Variants in MET observed in about 807,000 individuals in gnomAD.
The protein encoded by MET is MET proto-oncogene, receptor tyrosine kinase.
In MET, 48 loss-of-function variants were observed where a neutral mutation model predicts 133.1. The ratio of observed to expected loss-of-function variants is 0.36; its 90% CI spans 0.29 to 0.46. The LOEUF is 0.46. Among genes scored for constraint, MET ranks in the 20% least tolerant of loss-of-function variants. MET has a pLI of 1.00. For synonymous variants in MET, 628 were observed against 616.5 expected (o/e 1.02, Z -0.28); for missense variants, 1,442 against 1,695.9 (o/e 0.85, Z 2.63).
At chr7:116,777,278 T>C in intron 15 of MET, 111 bp from the exon 16 acceptor site, 6 of 929,574 alleles carry the variant, frequency 6.5e-6, no homozygotes, top group Non-Finnish European at 1.1e-5. Context: ...ATGTACTCTT[T>C]TGCTGTATAG....
chr7:116,796,532 A>G lies in MET; in HGVS notation c.*408A>G. ...GCGGCAGCCCCAGAACAGGCCACTC[A>G]TTTAGAATTCTAGTGTTTCAAAACA... On this transcript the variant is annotated 3_prime_UTR_variant, in exon 21 of 21. Transcript: ENST00000397752. The G allele has an allele frequency of 3.0e-6, 1 of 331,004 alleles. No homozygotes were observed. Among genetic ancestry groups the G allele is most frequent in the Non-Finnish European group, 5.6e-6 (1 of 178,220 alleles). 20.5% of individuals were successfully genotyped at this position (331,004 alleles called of 1,614,324 possible). A position where few individuals can be genotyped will look rare whatever the true frequency, so the allele number is the denominator to read the frequency against.
chr7:116,744,764 G>C (rs558134898), intron 5 of MET, among the ~76,000 whole-genome samples: 1 of 152,160 alleles, frequency 6.6e-6, no homozygotes, highest in East Asian at 1.9e-4. Context: ...TGCAATGAAG[G>C]AAAAAATGTT....
chr7:116,681,107 T>C (rs1408874725), intron 1 of MET, among the ~76,000 whole-genome samples: 2 of 152,274 alleles, frequency 1.3e-5, no homozygotes, highest in East Asian at 1.9e-4. Flanking sequence ...TGGAGAAAGA[T>C]AGACTATCAT....
chr7:116,692,420 G>A (rs1796808205), intron 1 of MET, among the ~76,000 whole-genome samples: 1 of 152,184 alleles, frequency 6.6e-6, no homozygotes, highest in Non-Finnish European at 1.5e-5. Context: ...TTTTCCTGAG[G>A]AATCGGTGTT....
At chr7:116,693,730 C>T (rs1364167676) in intron 1 of MET, among the ~76,000 whole-genome samples, 2 of 152,184 alleles carry the variant, frequency 1.3e-5, no homozygotes, top group African/African-American at 4.8e-5. Context: ...TGAGATCTCA[C>T]TGACATTTGG....
chr7:116,721,779 A>G (rs1792493767), intron 2 of MET, among the ~76,000 whole-genome samples: 1 of 151,998 alleles, frequency 6.6e-6, no homozygotes, highest in African/African-American at 2.4e-5. Flanking sequence ...TTCAGTTTCC[A>G]TGTAGTTGAG....
chr7:116,756,179 C>T (rs1014451744), intron 6 of MET, among the ~76,000 whole-genome samples: 7 of 152,198 alleles, frequency 4.6e-5, no homozygotes, highest in Non-Finnish European at 7.3e-5. Flanking sequence ...TTCAGCTCAG[C>T]TCTGATCATC....
rs886061940 is a variant in MET, at chr7:116,672,435, T to C, written c.-157T>C. 1 of 394,586 alleles carries C rather than the reference T, an allele frequency of 2.5e-6. No homozygotes were observed. The highest frequency in any genetic ancestry group is 4.5e-6 in the Non-Finnish European group (1 of 223,568). 24.4% of individuals were successfully genotyped at this position (394,586 alleles called of 1,614,324 possible). A position where few individuals can be genotyped will look rare whatever the true frequency, so the allele number is the denominator to read the frequency against. On this transcript the variant is annotated 5_prime_UTR_variant, in exon 1 of 21. Transcript: ENST00000397752. ...CGCCGCCCGCGGCGCCCCGAGCGCT[T>C]TGTGAGCAGATGCGGAGCCGAGTGG...
Position 116,700,113 on chromosome 7 carries a change from C to CGG in MET, c.1032_1033dup (p.Val345GlyfsTer40), listed in dbSNP as rs1791514332. The CGG allele has an allele frequency of 6.2e-7, 1 of 1,608,500 alleles. No individual in the cohort carries two copies. The highest frequency in any genetic ancestry group is 8.5e-7 in the Non-Finnish European group (1 of 1,177,750). ...CCAGCCTGAATGATGACATTCTTTT[C>CGG]GGGGTGTTCGCACAAAGCAAGCCAG... is the stretch of plus-strand genomic sequence containing the variant. On this transcript the variant is annotated frameshift_variant, in exon 2 of 21. Coordinates refer to ENST00000397752, the MANE Select transcript of MET (RefSeq NM_000245.4). LOFTEE classifies it high-confidence loss of function.
chr7:116,744,972 A>G (rs1462451118), intron 5 of MET, among the ~76,000 whole-genome samples: 3 of 152,202 alleles, frequency 2.0e-5, no homozygotes, highest in African/African-American at 7.2e-5. Flanking sequence ...TCAATTAGGA[A>G]AAGAGGAAGT....
chr7:116,792,742 C>G (rs542726958), intron 19 of MET, among the ~76,000 whole-genome samples: 1 of 152,162 alleles, frequency 6.6e-6, no homozygotes, highest in Non-Finnish European at 1.5e-5. Flanking sequence ...CCAACTCCAT[C>G]CCCCTTTTAT....
At chr7:116,763,499 G>A (rs144803151) in intron 11 of MET, among the ~76,000 whole-genome samples, 1 of 152,284 alleles carries the variant, frequency 6.6e-6, no homozygotes. Context: ...TTAAAACGTA[G>A]CAAATGTGGG....
chr7:116,785,235 C>T (rs928611804), intron 19 of MET, among the ~76,000 whole-genome samples: 6 of 152,192 alleles, frequency 3.9e-5, no homozygotes, highest in Non-Finnish European at 7.3e-5. Flanking sequence ...TCCAGGCACA[C>T]GGTGCAAACT....
intron 12 of MET, among the ~76,000 whole-genome samples, chr7:116,770,937 A>G (rs1251814057): frequency 1.3e-5 from 2 of 152,212 alleles, no homozygotes; most frequent in African/African-American, 4.8e-5. Context: ...TTGGAATTTC[A>G]GAAGGACCAT....
intron 19 of MET, among the ~76,000 whole-genome samples, 170 bp from the exon 20 acceptor site, chr7:116,795,485 C>G (rs1795639964): frequency 6.6e-6 from 1 of 152,178 alleles, no homozygotes; most frequent in African/African-American, 2.4e-5. Context: ...CTTGTTTAAA[C>G]AAGTCATGAA....
intron 2 of MET, among the ~76,000 whole-genome samples, chr7:116,713,725 G>A (rs907019694): frequency 3.3e-5 from 5 of 152,212 alleles, no homozygotes; most frequent in African/African-American, 1.2e-4. Context: ...GGTCATGACA[G>A]TTGGATTAAT....
intron 13 of MET, 96 bp downstream of exon 13, chr7:116,771,750 G>C (rs1794841027): frequency 5.0e-6 from 8 of 1,606,980 alleles, no homozygotes; most frequent in Non-Finnish European, 6.0e-6. Flanking sequence ...TGTCTTATAT[G>C]TAGTCCATAA....
At chr7:116,737,398 T>C (rs1402828262) in intron 3 of MET, among the ~76,000 whole-genome samples, 3 of 152,214 alleles carry the variant, frequency 2.0e-5, no homozygotes, top group African/African-American at 7.2e-5. Context: ...AAATTTGTTT[T>C]AGTACTTTTA....
In MET at chr7:116,731,652, C is replaced by T. The variant is rs2116778720; in HGVS notation, c.1201-16C>T. On this transcript the variant is annotated splice_polypyrimidine_tract_variant and intron_variant, in intron 2 of 20. Coordinates refer to ENST00000397752, the MANE Select transcript of MET (RefSeq NM_000245.4). The stretch of plus-strand genomic sequence containing the variant: ...GTCTGGATTCACATTAACTCTATGA[C>T]CATATTTTATTCCAGACACTTCTGA... 1 of 1,613,478 alleles carries T rather than the reference C, an allele frequency of 6.2e-7. No individual in the cohort carries two copies. Among genetic ancestry groups the T allele is most frequent in the Non-Finnish European group, 8.5e-7 (1 of 1,179,432 alleles).
Sources: gnomAD v4.1 joint callset for allele counts (sites outside exome capture counted in the v4.1 genomes callset) on GRCh38, gnomAD v4.1.1 for gene constraint, MANE v1.5 for transcripts, NCBI Gene and HGNC (gene_info 2026-07-23, HGNC 2026-07-21) for gene names.